The following ING5 variants were observed in gnomAD, a reference collection of about 807,000 sequenced individuals.
ING5 encodes inhibitor of growth family member 5, also known as inhibitor of growth protein 5.
Under a neutral mutation model 37.4 loss-of-function variants are expected in ING5, and 17 were observed. The ratio of observed to expected loss-of-function variants is 0.45; its 90% CI spans 0.31 to 0.68. The LOEUF (loss-of-function observed/expected upper bound fraction) is 0.68, where lower values mean the gene tolerates loss of function less well. Ranked by LOEUF, ING5 falls within the 30% of genes least tolerant of loss-of-function variation. The pLI, the probability that ING5 is intolerant of heterozygous loss-of-function variation, is 0.05. For synonymous variants in ING5, 123 were observed against 116.6 expected (o/e 1.06, Z -0.36); for missense variants, 233 against 311.9 (o/e 0.75, Z 1.91).
chr2:241,688,468 AT>A (rs1399926472), intron 1 of ING5, among the ~76,000 whole-genome samples: 1 of 152,148 alleles, frequency 6.6e-6, no homozygotes, highest in African/African-American at 2.4e-5. Context: ...TACTCCCAGC[AT>A]TTGTGTAAGC....
chr2:241,720,181 C>T, intron 5 of ING5: 1 of 1,234,812 alleles, frequency 8.1e-7, no homozygotes, highest in Non-Finnish European at 1.0e-6. Flanking sequence ...CACTCGGGTG[C>T]CTCCAAGGGC....
intron 5 of ING5, among the ~76,000 whole-genome samples, chr2:241,717,077 ATT>A (rs372898679): frequency 4.9e-5 from 7 of 142,056 alleles, no homozygotes; most frequent in Admixed American, 1.4e-4. Flanking sequence ...GGTAACCTTC[ATT>A]TTTTTTTTTT....
intron 2 of ING5, among the ~76,000 whole-genome samples, chr2:241,691,962 CACTTGAGCCTAGGA>C (rs1312352213): frequency 6.6e-6 from 1 of 152,108 alleles, no homozygotes; most frequent in African/African-American, 2.4e-5. Context: ...GTGGGAGGAT[CACTTGAGCCTAGGA>C]GGTTGAGGCT....
exon 1 of ING5, chr2:241,687,099 G>A (rs2069445654): frequency 7.7e-6 from 3 of 390,028 alleles, no homozygotes; most frequent in Admixed American, 4.5e-5. Context: ...CGGGCTGGAC[G>A]GCCGGAGACG....
intron 1 of ING5, among the ~76,000 whole-genome samples, chr2:241,688,622 T>G (rs1377385491): frequency 6.6e-6 from 1 of 152,182 alleles, no homozygotes; most frequent in Admixed American, 6.6e-5. Flanking sequence ...TAATTTACTT[T>G]TATTGCTTTT....
In ING5 at chr2:241,729,451, TAATA is replaced by T. The variant is rs1471460821; in HGVS notation, c.*4427_*4430del. 1 of 152,686 alleles carries T rather than the reference TAATA, an allele frequency of 6.5e-6. No individual in the cohort carries two copies. The highest frequency in any genetic ancestry group is 1.5e-5 in the Non-Finnish European group (1 of 68,058). 9.5% of individuals were successfully genotyped at this position (152,686 alleles called of 1,614,324 possible). The stretch of plus-strand genomic sequence containing the variant: ...TGTTATAGATTATGGATATATTGTT[TAATA>T]AATAAAGTATTTTTTGGAACAAACA... On this transcript the variant is annotated 3_prime_UTR_variant, in exon 8 of 8. Coordinates refer to ENST00000313552, the MANE Select transcript of ING5 (RefSeq NM_032329.6).
At chr2:241,697,895 C>T (rs1245360846), upstream of ING5, among the ~76,000 whole-genome samples, 1 of 151,838 alleles carries the variant, frequency 6.6e-6, no homozygotes, top group Non-Finnish European at 1.5e-5. Flanking sequence ...CCAGCCTGGC[C>T]AACAGGGTGA....
At position 241,719,753 on chromosome 2, in the gene ING5, A is replaced by C. The variant is rs193139463; in HGVS notation, c.483-3186A>C. ...CTCAGGAACAGCCAGCACCTCTGCA[A>C]ACACAGGAAGATCCACTGTGGCCTC... On this transcript the variant is annotated intron_variant, in intron 5 of 7. Transcript: ENST00000313552. 1.4e-5 allele frequency: 21 copies of C among 1,452,334 alleles called. No individual in the cohort carries two copies. In the African/African-American group the frequency reaches 2.4e-4, roughly 17 times the overall value. 90.0% of individuals were successfully genotyped at this position (1,452,334 alleles called of 1,614,324 possible).
chr2:241,690,366 A>G, exon 2 of ING5: 3 of 374,578 alleles, frequency 8.0e-6, no homozygotes, highest in Non-Finnish European at 1.4e-5. Flanking sequence ...ATCATCTGAC[A>G]TTACATGAAG....
chr2:241,698,709 G>A (rs1423010924), upstream of ING5, among the ~76,000 whole-genome samples: 1 of 152,118 alleles, frequency 6.6e-6, no homozygotes, highest in African/African-American at 2.4e-5. Flanking sequence ...GAGGTGGGAA[G>A]CTAAAAGTTC....
intron 7 of ING5, chr2:241,723,881 G>C: frequency 2.1e-6 from 3 of 1,436,130 alleles, no homozygotes; most frequent in Non-Finnish European, 2.9e-6. Flanking sequence ...GTGGTGGTGC[G>C]TGCCTGTGGT....
At chr2:241,704,442 C>A (rs748031192) in intron 1 of ING5, among the ~76,000 whole-genome samples, 47 of 152,144 alleles carry the variant, frequency 3.1e-4, no homozygotes, top group Non-Finnish European at 6.5e-4. Flanking sequence ...GTGGCATGTG[C>A]CTGTAATCCC....
chr2:241,714,069 TTTAA>T (rs780439181), intron 5 of ING5, among the ~76,000 whole-genome samples: 26 of 151,388 alleles, frequency 1.7e-4, no homozygotes, highest in Admixed American at 9.9e-4. Context: ...ACAAACATGG[TTTAA>T]TTAATTTCCG....
chr2:241,713,883 G>A (rs62191350), intron 5 of ING5, among the ~76,000 whole-genome samples: 55,320 of 151,596 alleles, frequency 0.36, 10,319 homozygotes, highest in South Asian at 0.5. Flanking sequence ...CCAGCTACTC[G>A]GGAGGCTGAC....
chr2:241,721,161 G>A (rs1188149710), intron 5 of ING5: 1 of 985,476 alleles, frequency 1.0e-6, no homozygotes, highest in Non-Finnish European at 1.2e-6. Context: ...CGGGTGAGAG[G>A]TGACTCGAGG....
chr2:241,719,919 C>T, intron 5 of ING5: 1 of 1,311,724 alleles, frequency 7.6e-7, no homozygotes, highest in Non-Finnish European at 9.7e-7. Context: ...AGTTGCGGGG[C>T]CCTGCGGCTC....
chr2:241,695,426 G>A (rs2069616827), intron 2 of ING5, among the ~76,000 whole-genome samples: 1 of 152,188 alleles, frequency 6.6e-6, no homozygotes, highest in African/African-American at 2.4e-5. Flanking sequence ...GGTGGCTCAC[G>A]CCTGTAATCC....
At chr2:241,716,586 C>T (rs1340447166) in intron 5 of ING5, among the ~76,000 whole-genome samples, 1 of 152,074 alleles carries the variant, frequency 6.6e-6, no homozygotes, top group Non-Finnish European at 1.5e-5. Context: ...TGAGCCACTG[C>T]CCCGGCCCCT....
chr2:241,710,132 C>G (rs1464114664), intron 3 of ING5, among the ~76,000 whole-genome samples: 2 of 149,226 alleles, frequency 1.3e-5, no homozygotes, highest in Non-Finnish European at 1.5e-5. Flanking sequence ...TTGAGATGGA[C>G]TTTTGCTCTT....
Sources: gnomAD v4.1 joint callset for allele counts (sites outside exome capture counted in the v4.1 genomes callset) on GRCh38, gnomAD v4.1.1 for gene constraint, MANE v1.5 for transcripts, NCBI Gene and HGNC (gene_info 2026-07-23, HGNC 2026-07-21) for gene names.